Variants in TENM3 observed in about 807,000 individuals in gnomAD.
The protein encoded by TENM3 is teneurin transmembrane protein 3, also known as teneurin-3.
TENM3 carries 63 observed loss-of-function variants against 255.1 expected under a neutral mutation model. The observed-to-expected ratio is 0.25, with a 90% CI of 0.20 to 0.30. The LOEUF is 0.30. TENM3 is among the 10% of genes least tolerant of loss of function. The pLI, the probability that TENM3 is intolerant of heterozygous loss-of-function variation, is 1.00. For missense variants in TENM3, 2,929 were observed against 3,461.1 expected, an observed-to-expected ratio of 0.85 and a Z score of 3.86; for synonymous variants, 1,306 against 1,322.3, an observed-to-expected ratio of 0.99 and a Z score of 0.27.
At chr4:182,528,787 C>A (rs1272056269) in intron 3 of TENM3, among the ~76,000 whole-genome samples, 1 of 152,100 alleles carries the variant, frequency 6.6e-6, no homozygotes, top group African/African-American at 2.4e-5. Flanking sequence ...CAGTAGTAGC[C>A]CATAAGTTTT....
chr4:182,436,164 T>A (rs1343309446), intron 3 of TENM3, among the ~76,000 whole-genome samples: 5 of 152,194 alleles, frequency 3.3e-5, no homozygotes, highest in Admixed American at 1.3e-4. Context: ...TATCATAATG[T>A]CTCTCTCCAC....
chr4:182,100,240 C>A, the TENM3 span, among the ~76,000 whole-genome samples: 4 of 151,594 alleles, frequency 2.6e-5, no homozygotes, highest in Non-Finnish European at 5.9e-5. Flanking sequence ...CATAAACCAC[C>A]TTTTCCTTTC....
chr4:182,137,572 T>TG, the TENM3 span, among the ~76,000 whole-genome samples: 3 of 152,188 alleles, frequency 2.0e-5, no homozygotes, highest in East Asian at 3.9e-4. Context: ...AAAACTGGGA[T>TG]GGGGGATTAA....
At chr4:181,987,452 T>C in the TENM3 span, among the ~76,000 whole-genome samples, 4,118 of 152,196 alleles carry the variant, frequency 0.027, 150 homozygotes, top group African/African-American at 0.093. Flanking sequence ...TTCAAAGGAA[T>C]TGGGCTTCCC....
At chr4:182,488,403 A>G (rs1734961957) in intron 3 of TENM3, among the ~76,000 whole-genome samples, 1 of 152,188 alleles carries the variant, frequency 6.6e-6, no homozygotes, top group Non-Finnish European at 1.5e-5. Context: ...GAGATGAGTG[A>G]CTAAATATAG....
At chr4:182,615,042 A>ATAC (rs1553999648) in intron 4 of TENM3, among the ~76,000 whole-genome samples, 10 of 57,480 alleles carry the variant, frequency 1.7e-4, no homozygotes, top group Middle Eastern at 9.4e-3. Flanking sequence ...AAAAAAAAAA[A>ATAC]ATACATATAT....
chr4:182,022,477 C>A, the TENM3 span, among the ~76,000 whole-genome samples: 2 of 151,210 alleles, frequency 1.3e-5, no homozygotes, highest in Admixed American at 1.3e-4. Context: ...AGATCCAAAC[C>A]TCAGCATCAC....
At chr4:182,571,765 G>A (rs1343042222) in intron 3 of TENM3, among the ~76,000 whole-genome samples, 1 of 152,104 alleles carries the variant, frequency 6.6e-6, no homozygotes, top group African/African-American at 2.4e-5. Context: ...CTTTAAGAAT[G>A]TAGATTTTTC....
the TENM3 span, among the ~76,000 whole-genome samples, chr4:181,708,908 T>C: frequency 6.6e-6 from 1 of 152,186 alleles, no homozygotes; most frequent in South Asian, 2.1e-4. Flanking sequence ...AAGGATAATT[T>C]CAAAAGTATC....
the TENM3 span, among the ~76,000 whole-genome samples, chr4:181,588,486 A>G: frequency 6.6e-6 from 1 of 152,154 alleles, no homozygotes; most frequent in Non-Finnish European, 1.5e-5. Flanking sequence ...CCCCGAATCT[A>G]ATGTCGAGGA....
At chr4:181,555,556 G>A in the TENM3 span, among the ~76,000 whole-genome samples, 1 of 152,130 alleles carries the variant, frequency 6.6e-6, no homozygotes, top group Non-Finnish European at 1.5e-5. Context: ...AGTGATCTCT[G>A]CTTCTAACTT....
At chr4:182,074,469 T>A in the TENM3 span, among the ~76,000 whole-genome samples, 3 of 152,208 alleles carry the variant, frequency 2.0e-5, no homozygotes, top group African/African-American at 7.2e-5. Flanking sequence ...GTGGAAGGAA[T>A]TTAAAGTCTT....
the TENM3 span, among the ~76,000 whole-genome samples, chr4:181,563,491 G>T: frequency 6.6e-6 from 1 of 152,160 alleles, no homozygotes; most frequent in East Asian, 1.9e-4. Flanking sequence ...CTGAGATATT[G>T]CTATTGAACA....
chr4:182,234,173 G>GTC (rs946617850), intron 1 of TENM3, among the ~76,000 whole-genome samples: 8 of 151,186 alleles, frequency 5.3e-5, no homozygotes, highest in Admixed American at 2.6e-4. Flanking sequence ...TGGATTGTCA[G>GTC]TCTCTCTCTC....
intron 2 of TENM3, among the ~76,000 whole-genome samples, chr4:182,334,497 A>G (rs562186599): frequency 2.8e-4 from 43 of 152,294 alleles, no homozygotes; most frequent in African/African-American, 1.0e-3. Context: ...GAAATAGCCG[A>G]AACCATATTT....
At chr4:181,881,311 A>G in the TENM3 span, among the ~76,000 whole-genome samples, 2 of 152,152 alleles carry the variant, frequency 1.3e-5, no homozygotes, top group South Asian at 2.1e-4. Flanking sequence ...CCTAGCACCA[A>G]TAAGAAGAAA....
At position 182,606,879 on chromosome 4, in the gene TENM3, A is replaced by ATT. The variant is rs149846345; in HGVS notation, c.749+5719_749+5720dup. ...ATGAAGGTCATTCTCAGGAGTCAGT[A>ATT]TTGATATATATTCTAATTAAAACCT... On this transcript the variant is annotated intron_variant, in intron 4 of 27. Coordinates refer to ENST00000511685, the MANE Select transcript of TENM3 (RefSeq NM_001080477.4). 6.5e-3 allele frequency among the ~76,000 whole-genome samples: 991 copies of ATT among 152,352 alleles called. 32 individuals carry two copies. In the East Asian group the frequency reaches 0.095, roughly 15 times the overall value.
chr4:182,257,956 ACT>A (rs996522334), intron 1 of TENM3, among the ~76,000 whole-genome samples: 2 of 152,094 alleles, frequency 1.3e-5, no homozygotes, highest in Admixed American at 1.3e-4. Context: ...TGTTGTTTTT[ACT>A]CTGTTAGCAA....
At chr4:181,530,576 G>T in the TENM3 span, among the ~76,000 whole-genome samples, 2 of 152,320 alleles carry the variant, frequency 1.3e-5, no homozygotes, top group South Asian at 4.1e-4. Context: ...ATTGCTAACA[G>T]TCGTAGAATT....
Sources: allele counts gnomAD v4.1 joint callset (sites outside exome capture counted in the v4.1 genomes callset), GRCh38; gene constraint gnomAD v4.1.1; transcripts MANE v1.5; gene names NCBI Gene and HGNC (gene_info 2026-07-23, HGNC 2026-07-21).